COLEC12: variants seen among roughly 807,000 people sequenced by gnomAD.
The protein encoded by COLEC12 is collectin-12.
Under a neutral mutation model 71.1 loss-of-function variants are expected in COLEC12, and 33 were observed. The observed-to-expected ratio is 0.46, with a 90% confidence interval of 0.35 to 0.62. The LOEUF (loss-of-function observed/expected upper bound fraction) is 0.62. COLEC12 is among the 20% of genes least tolerant of loss of function. The pLI, the probability that COLEC12 is intolerant of heterozygous loss-of-function variation, is 0.00. For synonymous variants in COLEC12, 350 were observed against 353.0 expected (o/e 0.99, Z 0.10); for missense variants, 765 against 916.1 (o/e 0.84, Z 2.13).
chr18:352,598 A>C (rs768143398), intron 3 of COLEC12, among the ~76,000 whole-genome samples: 14 of 152,234 alleles, frequency 9.2e-5, no homozygotes, highest in Non-Finnish European at 1.6e-4. Flanking sequence ...TGAACAGTTT[A>C]CATGCACTGG....
chr18:382,004 A>C (rs1915242580), intron 2 of COLEC12, among the ~76,000 whole-genome samples: 1 of 67,092 alleles, frequency 1.5e-5, no homozygotes, highest in Non-Finnish European at 4.3e-5. Flanking sequence ...TTACAGACTT[A>C]AAAAAAAGAC....
At chr18:336,142 C>T (rs1277104209) in intron 5 of COLEC12, among the ~76,000 whole-genome samples, 1 of 152,178 alleles carries the variant, frequency 6.6e-6, no homozygotes, top group Non-Finnish European at 1.5e-5. Flanking sequence ...CTATAACTTC[C>T]CTGTAAGCTT....
rs72856623 is a variant in COLEC12 at position 480,278 on chromosome 18, C to A, written c.58+429G>T. On this transcript the variant is annotated intron_variant, in intron 2 of 9. Transcript: ENST00000400256. This position sits in a 1 kb window ranked among gnomAD's most constrained non-coding sequence, Gnocchi z 4.1. ...CTGCCACAGAGCCCCTGTGTCCAGG[C>A]AGATTCTTGGAAGAAGTCTCCCTCT... Among the ~76,000 whole-genome samples the A allele has an allele frequency of 0.058, 8,881 of 152,284 alleles. 337 individuals are homozygous for A. The highest frequency in any genetic ancestry group is 0.12 in the Admixed American group (1,912 of 15,298).
rs567406553 is a variant in COLEC12 at position 454,088 on chromosome 18, G to A, written c.58+26619C>T. On this transcript the variant is annotated intron_variant, in intron 2 of 9. Coordinates refer to ENST00000400256, the MANE Select transcript of COLEC12 (RefSeq NM_130386.3). Reference sequence around the variant, plus strand: ...TGAAACATATCCGTTCTCTAGTTGAGCCCTCTGAAGGCTTTCCATAGACTC... The same window carrying A: ...TGAAACATATCCGTTCTCTAGTTGAACCCTCTGAAGGCTTTCCATAGACTC... Among the ~76,000 whole-genome samples, 37 of 152,242 alleles carry A rather than the reference G, an allele frequency of 2.4e-4. No individual in the cohort carries two copies. In the South Asian group the frequency reaches 7.5e-3, roughly 31 times the overall value.
At chr18:406,627 T>C (rs1183105907) in intron 2 of COLEC12, among the ~76,000 whole-genome samples, 1 of 152,200 alleles carries the variant, frequency 6.6e-6, no homozygotes, top group Non-Finnish European at 1.5e-5. Context: ...TGCTTTCACT[T>C]TACTCTATGG....
chr18:393,667 G>A (rs1310324563), intron 2 of COLEC12, among the ~76,000 whole-genome samples: 2 of 152,184 alleles, frequency 1.3e-5, no homozygotes, highest in Admixed American at 6.5e-5. Flanking sequence ...AATCCTGGCG[G>A]AACTCATAGC....
chr18:321,708 T>A lies in COLEC12; in HGVS notation c.2163A>T (p.Gln721His). Residue 721 changes from glutamine to histidine, a missense_variant, in exon 9 of 10, where the codon CAA becomes CAT. By Grantham distance (24) the Gln-to-His change is conservative. Transcript: ENST00000400256. ...LIYAGQWNDF[Q>H]CEDVNNFICE... Reference sequence around the variant, plus strand: ...AAATGAAGTTATTGACGTCTTCACATTGGAAATCGTTCCACTGCCCAGCAT... The same window carrying A: ...AAATGAAGTTATTGACGTCTTCACAATGGAAATCGTTCCACTGCCCAGCAT... 6.2e-7 allele frequency: 1 copy of A among 1,614,256 alleles called. No individual in the cohort carries two copies. Among genetic ancestry groups the A allele is most frequent in the East Asian group, 2.2e-5 (1 of 44,884 alleles).
At chr18:487,257 A>C (rs1433968059) in intron 1 of COLEC12, among the ~76,000 whole-genome samples, 1 of 152,262 alleles carries the variant, frequency 6.6e-6, no homozygotes, top group African/African-American at 2.4e-5. Flanking sequence ...TTTATATGAA[A>C]TGTTTACATT....
intron 8 of COLEC12, among the ~76,000 whole-genome samples, chr18:328,398 T>C (rs1913894286): frequency 1.3e-5 from 2 of 152,306 alleles, no homozygotes; most frequent in Middle Eastern, 3.4e-3. Context: ...TCCCAGGCCA[T>C]GCAGAGAACG....
chr18:348,445 T>C (rs1914434416), intron 3 of COLEC12, among the ~76,000 whole-genome samples: 1 of 152,214 alleles, frequency 6.6e-6, no homozygotes, highest in African/African-American at 2.4e-5. Flanking sequence ...GGAACTAATT[T>C]AAAAATTTTC....
At chr18:397,760 G>A (rs993868099) in intron 2 of COLEC12, among the ~76,000 whole-genome samples, 20 of 152,250 alleles carry the variant, frequency 1.3e-4, no homozygotes, top group African/African-American at 3.9e-4. Flanking sequence ...CATTTAACCC[G>A]GTACAAGTAT....
chr18:415,202 G>C (rs1224208044), intron 2 of COLEC12, among the ~76,000 whole-genome samples: 1 of 152,172 alleles, frequency 6.6e-6, no homozygotes, highest in African/African-American at 2.4e-5. Context: ...TGTGTGATGT[G>C]GGAATTAATG....
chr18:346,001 C>A lies in COLEC12; in HGVS notation c.1327+294G>T, dbSNP rs1040428708. Among the ~76,000 whole-genome samples, 1 of 152,224 alleles carries A rather than the reference C, an allele frequency of 6.6e-6. No homozygotes were observed. Among genetic ancestry groups the A allele is most frequent in the Admixed American group, 6.5e-5 (1 of 15,288 alleles). The stretch of plus-strand genomic sequence containing the variant: ...CATTGTGAGGACACTCAAGCAATTT[C>A]ACACAGCAAGGAACTGAGGCCTCCT... On this transcript the variant is annotated intron_variant, in intron 5 of 9. Transcript: ENST00000400256. The surrounding 1 kb of genome is among the most constrained non-coding windows in gnomAD (Gnocchi z 4.0).
At chr18:410,436 G>T (rs753520069) in intron 2 of COLEC12, among the ~76,000 whole-genome samples, 3 of 148,144 alleles carry the variant, frequency 2.0e-5, no homozygotes, top group East Asian at 3.9e-4. Flanking sequence ...TGGCTGAGTT[G>T]TTCTTCTTTT....
chr18:341,899 T>G (rs538600646), intron 5 of COLEC12, among the ~76,000 whole-genome samples: 1 of 152,076 alleles, frequency 6.6e-6, no homozygotes, highest in East Asian at 1.9e-4. Context: ...GATGTCTGAT[T>G]GTACAGGAAG....
chr18:461,830 G>A (rs527600415), intron 2 of COLEC12, among the ~76,000 whole-genome samples: 1 of 152,260 alleles, frequency 6.6e-6, no homozygotes, highest in African/African-American at 2.4e-5. Context: ...GCAAGCTCAG[G>A]TACAGCACTG....
chr18:487,482 GAGA>G (rs930094288), intron 1 of COLEC12, among the ~76,000 whole-genome samples: 29 of 152,206 alleles, frequency 1.9e-4, no homozygotes, highest in African/African-American at 6.3e-4. Context: ...GTGAAAAAAA[GAGA>G]AGGAGTTGGA....
At chr18:436,236 C>A (rs1024997053) in intron 2 of COLEC12, among the ~76,000 whole-genome samples, 2 of 152,166 alleles carry the variant, frequency 1.3e-5, no homozygotes, top group Admixed American at 6.5e-5. Flanking sequence ...CGGGGCCAGG[C>A]GCAGTGGCTC....
In COLEC12 at chr18:399,738, G is replaced by A. The variant is rs887159427; in HGVS notation, c.59-42216C>T. Among the ~76,000 whole-genome samples, 6 of 152,190 alleles carry A rather than the reference G, an allele frequency of 3.9e-5. No homozygotes were observed. The highest frequency in any genetic ancestry group is 1.2e-4 in the African/African-American group (5 of 41,448). On this transcript the variant is annotated intron_variant, in intron 2 of 9. Transcript: ENST00000400256. This position sits in a 1 kb window ranked among gnomAD's most constrained non-coding sequence, Gnocchi z 4.0. Reference sequence around the variant, plus strand: ...GCGGAATTTGGGGTGGATGCCGAGCGCTGGGAAGGAATATGCCCTCGTTCC... The same window carrying A: ...GCGGAATTTGGGGTGGATGCCGAGCACTGGGAAGGAATATGCCCTCGTTCC...
Sources: gnomAD v4.1 joint callset for allele counts (sites outside exome capture counted in the v4.1 genomes callset) on GRCh38, gnomAD v4.1.1 for gene constraint, Gnocchi (gnomAD v3.1) non-coding constraint, MANE v1.5 for transcripts, NCBI Gene and HGNC (gene_info 2026-07-23, HGNC 2026-07-21) for gene names.